The following REEP5 variants were observed in gnomAD, a reference collection of about 807,000 sequenced individuals.
REEP5 encodes the protein receptor expression-enhancing protein 5.
REEP5 carries 24 observed loss-of-function variants against 22.4 expected under a neutral mutation model. The observed-to-expected ratio is 1.07, with a 90% CI of 0.78 to 1.51. The LOEUF (loss-of-function observed/expected upper bound fraction) is 1.51. Ranked by LOEUF, REEP5 falls within the 40% of genes most tolerant of loss-of-function variation. The pLI, the probability that REEP5 is intolerant of heterozygous loss-of-function variation, is 0.00. For synonymous variants in REEP5, 103 were observed against 88.6 expected (o/e 1.16, Z -0.92); for missense variants, 252 against 233.0 (o/e 1.08, Z -0.53).
chr5:112,878,665 T>C lies in REEP5; in HGVS notation c.*121A>G, dbSNP rs1256574303. 2 of 1,388,508 alleles carry C rather than the reference T, an allele frequency of 1.4e-6. No homozygotes were observed. The highest frequency in any genetic ancestry group is 4.7e-5 in the East Asian group (2 of 42,490). The allele number at this position is 1,388,508 out of a possible 1,614,324, so 86.0% of individuals were successfully genotyped here. A position where few individuals can be genotyped will look rare whatever the true frequency, so the allele number is the denominator to read the frequency against. On this transcript the variant is annotated 3_prime_UTR_variant, in exon 5 of 5. Coordinates refer to ENST00000379638, the MANE Select transcript of REEP5 (RefSeq NM_005669.5). The stretch of plus-strand genomic sequence containing the variant: ...GAAACTTACAACACATTCCAATCTT[T>C]AATATCTCAAAAATGTTTCCAAGGC...
At chr5:112,916,642 A>C (rs915875459) in intron 2 of REEP5, among the ~76,000 whole-genome samples, 3 of 152,160 alleles carry the variant, frequency 2.0e-5, no homozygotes, top group Non-Finnish European at 4.4e-5. Flanking sequence ...AAAGGCCTAC[A>C]TTTTTTAATT....
chr5:112,921,822 G>A (rs1314234329), intron 1 of REEP5: 7 of 389,622 alleles, frequency 1.8e-5, no homozygotes, highest in African/African-American at 1.1e-4. Context: ...CGTCAGCGCT[G>A]GCCCTTCCAG....
At chr5:112,886,667 A>T (rs1768257810) in intron 4 of REEP5, among the ~76,000 whole-genome samples, 1 of 152,236 alleles carries the variant, frequency 6.6e-6, no homozygotes, top group Non-Finnish European at 1.5e-5. Context: ...ATTTAAAACT[A>T]CCTATGTAAT....
Position 112,877,321 on chromosome 5 carries a change from T to C in REEP5, c.*1465A>G, listed in dbSNP as rs913026397. 6.6e-6 allele frequency: 1 copy of C among 152,210 alleles called. No individual in the cohort carries two copies. Among genetic ancestry groups the C allele is most frequent in the Non-Finnish European group, 1.5e-5 (1 of 68,038 alleles). 9.4% of individuals were successfully genotyped at this position (152,210 alleles called of 1,614,324 possible). A position where few individuals can be genotyped will look rare whatever the true frequency, so the allele number is the denominator to read the frequency against. On this transcript the variant is annotated 3_prime_UTR_variant, in exon 5 of 5. Coordinates refer to ENST00000379638, the MANE Select transcript of REEP5 (RefSeq NM_005669.5). ...CATCTTTATTTGCCTTAAAAAATACTGTACTGGCTGGATATTTAATCTTGT... is the reference window on the plus strand; with the variant it reads ...CATCTTTATTTGCCTTAAAAAATACCGTACTGGCTGGATATTTAATCTTGT...
At chr5:112,892,325 G>C in intron 3 of REEP5, 1 of 1,614,126 alleles carries the variant, frequency 6.2e-7, no homozygotes, top group Non-Finnish European at 8.5e-7. Flanking sequence ...CCTGACGCAA[G>C]CCTGGAGTAC....
chr5:112,903,282 C>T (rs17135155), intron 2 of REEP5, among the ~76,000 whole-genome samples: 7,907 of 152,226 alleles, frequency 0.052, 513 homozygotes, highest in East Asian at 0.16. Context: ...AGATATTTAT[C>T]GTAACTGAGC....
At chr5:112,899,398 G>A (rs979152138) in intron 3 of REEP5, among the ~76,000 whole-genome samples, 1 of 152,048 alleles carries the variant, frequency 6.6e-6, no homozygotes, top group Non-Finnish European at 1.5e-5. Flanking sequence ...TTCTGCCTTG[G>A]CCTCCGAGTA....
intron 3 of REEP5, chr5:112,891,493 G>A: frequency 9.3e-7 from 1 of 1,076,694 alleles, no homozygotes; most frequent in Non-Finnish European, 1.3e-6. Flanking sequence ...AAAGTAATTT[G>A]TAATATATAT....
chr5:112,916,549 T>A (rs1472878903), intron 2 of REEP5, among the ~76,000 whole-genome samples: 6 of 152,228 alleles, frequency 3.9e-5, no homozygotes, highest in African/African-American at 1.4e-4. Flanking sequence ...TGCAGATATA[T>A]GATTTGGGAT....
chr5:112,893,349 G>A (rs764610951), intron 3 of REEP5: 8 of 226,796 alleles, frequency 3.5e-5, no homozygotes, highest in Non-Finnish European at 6.2e-5. Flanking sequence ...GGCGGAGGTT[G>A]CAGTGAGTCG....
intron 3 of REEP5, chr5:112,891,543 T>A (rs1768447686): frequency 6.7e-7 from 1 of 1,496,370 alleles, no homozygotes; most frequent in South Asian, 1.2e-5. Context: ...CATAAAATAT[T>A]CATAAGTAGA....
chr5:112,885,689 C>T, intron 4 of REEP5: 2 of 308,490 alleles, frequency 6.5e-6, no homozygotes, highest in South Asian at 8.0e-5. Context: ...TCCTAACCAG[C>T]CTCCCTTTCT....
At chr5:112,916,334 G>C (rs1769232210) in intron 2 of REEP5, among the ~76,000 whole-genome samples, 1 of 152,094 alleles carries the variant, frequency 6.6e-6, no homozygotes, top group Non-Finnish European at 1.5e-5. Flanking sequence ...ATCTTCCCTT[G>C]AGATACTTGT....
intron 1 of REEP5, 36 bp downstream of exon 1, chr5:112,922,037 T>C (rs1370412465): frequency 1.3e-6 from 2 of 1,573,624 alleles, no homozygotes; most frequent in South Asian, 2.3e-5. Context: ...GCGGCTCCCG[T>C]GGCCCTACCA....
rs2150031481 is a variant in REEP5 at position 112,877,391 on chromosome 5, A to G, written c.*1395T>C. 1 of 152,232 alleles carries G rather than the reference A, an allele frequency of 6.6e-6. No individual in the cohort carries two copies. Among genetic ancestry groups the G allele is most frequent in the East Asian group, 1.9e-4 (1 of 5,184 alleles). The allele number at this position is 152,232 out of a possible 1,614,324, so 9.4% of individuals were successfully genotyped here. A position where few individuals can be genotyped will look rare whatever the true frequency, so the allele number is the denominator to read the frequency against. ...TTTTAGTCGAGTTTAATTCAAAAGG[A>G]CTCTTAACAGTATGGTGTAAAACTC... On this transcript the variant is annotated 3_prime_UTR_variant, in exon 5 of 5. Coordinates refer to ENST00000379638, the MANE Select transcript of REEP5 (RefSeq NM_005669.5).
Position 112,891,958 on chromosome 5 carries a change from G to A in REEP5, c.352-4775C>T, listed in dbSNP as rs755182345. The A allele has an allele frequency of 2.4e-6, 3 of 1,237,662 alleles. 1 individual carries two copies. The highest frequency in any genetic ancestry group is 3.6e-6 in the Non-Finnish European group (3 of 837,394). The allele number at this position is 1,237,662 out of a possible 1,614,324, so 76.7% of individuals were successfully genotyped here. On this transcript the variant is annotated intron_variant, in intron 3 of 4. Transcript: ENST00000379638. ...AGAGGCGGCTAAAAAATGGCTAGAAGAACAAGAGAGAAAGTTAAAGGAACA... is the reference window on the plus strand; with the variant it reads ...AGAGGCGGCTAAAAAATGGCTAGAAAAACAAGAGAGAAAGTTAAAGGAACA...
chr5:112,896,874 A>G (rs1768694538), intron 3 of REEP5: 1 of 152,190 alleles, frequency 6.6e-6, no homozygotes, highest in Non-Finnish European at 1.5e-5. Flanking sequence ...GGTTACAGTG[A>G]GCAGAGGTCA....
Position 112,878,056 on chromosome 5 carries a change from A to G in REEP5, c.*730T>C, listed in dbSNP as rs1402914248. 1 of 147,120 alleles carries G rather than the reference A, an allele frequency of 6.8e-6. No homozygotes were observed. Among genetic ancestry groups the G allele is most frequent in the Non-Finnish European group, 1.5e-5 (1 of 66,024 alleles). 9.1% of individuals were successfully genotyped at this position (147,120 alleles called of 1,614,324 possible). A position where few individuals can be genotyped will look rare whatever the true frequency, so the allele number is the denominator to read the frequency against. ...CGATTTATCACTAGAGTGAGTAACT[A>G]ACTAACTAACTGCTTTATAAAGCTA... On this transcript the variant is annotated 3_prime_UTR_variant, in exon 5 of 5. Coordinates refer to ENST00000379638, the MANE Select transcript of REEP5 (RefSeq NM_005669.5).
rs534577954 is a variant in REEP5, at chr5:112,906,340, T to C, written c.213-3822A>G. On this transcript the variant is annotated intron_variant, in intron 2 of 4. Transcript: ENST00000379638. The stretch of plus-strand genomic sequence containing the variant: ...TCCAAAGCCTGTGCTTTGTTCACTA[T>C]CCTATGCTATTTTACTAATTAAGAA... Among the ~76,000 whole-genome samples, 74 of 152,344 alleles carry C rather than the reference T, an allele frequency of 4.9e-4. 1 individual carries two copies. The highest frequency in any genetic ancestry group is 1.8e-3 in the African/African-American group (74 of 41,580).
Sources: gnomAD v4.1 joint callset for allele counts (sites outside exome capture counted in the v4.1 genomes callset) on GRCh38, gnomAD v4.1.1 for gene constraint, MANE v1.5 for transcripts, NCBI Gene and HGNC (gene_info 2026-07-23, HGNC 2026-07-21) for gene names.